SPECC1: variants seen among roughly 807,000 people sequenced by gnomAD.
SPECC1 encodes sperm antigen with calponin homology and coiled-coil domains 1.
Under a neutral mutation model 104.1 loss-of-function variants are expected in SPECC1, and 62 were observed. That is an observed-to-expected ratio of 0.60 (90% CI 0.49 to 0.74). The LOEUF (loss-of-function observed/expected upper bound fraction) is 0.74, where lower values mean the gene tolerates loss of function less well. Among genes scored for constraint, SPECC1 ranks in the 30% least tolerant of loss-of-function variants. The pLI, the probability that SPECC1 is intolerant of heterozygous loss-of-function variation, is 0.00. For synonymous variants in SPECC1, 513 were observed against 501.6 expected, an observed-to-expected ratio of 1.02 and a Z score of -0.30; for missense variants, 1,306 against 1,310.5, an observed-to-expected ratio of 1.00 and a Z score of 0.05.
At chr17:20,153,199 T>G (rs780883329) in intron 3 of SPECC1, among the ~76,000 whole-genome samples, 1 of 152,148 alleles carries the variant, frequency 6.6e-6, no homozygotes, top group African/African-American at 2.4e-5. Flanking sequence ...ATAGCAGATA[T>G]GAAAGCATAG....
intron 1 of SPECC1, among the ~76,000 whole-genome samples, chr17:20,041,378 G>A (rs1451415395): frequency 6.6e-6 from 1 of 151,842 alleles, no homozygotes; most frequent in African/African-American, 2.4e-5. Context: ...GAGTAGCTAG[G>A]ATTACAGGCA....
chr17:20,268,442 CT>C (rs2040288308), intron 12 of SPECC1, among the ~76,000 whole-genome samples: 1 of 152,234 alleles, frequency 6.6e-6, no homozygotes. Context: ...AGCAAGCAGC[CT>C]CTAAAATATC....
At chr17:20,040,328 A>G (rs1398928653) in intron 1 of SPECC1, among the ~76,000 whole-genome samples, 2 of 152,190 alleles carry the variant, frequency 1.3e-5, no homozygotes, top group Admixed American at 6.5e-5. Context: ...AGACAGGGTT[A>G]TAATTTTTGC....
At chr17:20,288,268 CTT>C (rs1323022071) in intron 12 of SPECC1, among the ~76,000 whole-genome samples, 1 of 152,008 alleles carries the variant, frequency 6.6e-6, no homozygotes, top group African/African-American at 2.4e-5. Flanking sequence ...GTGCATGTAT[CTT>C]TATAATAGAA....
chr17:20,244,780 A>G (rs1174478531), intron 7 of SPECC1, among the ~76,000 whole-genome samples: 1 of 152,222 alleles, frequency 6.6e-6, no homozygotes, highest in African/African-American at 2.4e-5. Flanking sequence ...AACTATTATC[A>G]TAAATTAGTC....
At chr17:20,158,919 T>C (rs2032868441) in intron 3 of SPECC1, among the ~76,000 whole-genome samples, 1 of 151,754 alleles carries the variant, frequency 6.6e-6, no homozygotes, top group Admixed American at 6.6e-5. Context: ...TGTTTCGTTT[T>C]TGTTTTGTTT....
chr17:20,305,742 T>A (rs1393343888), intron 13 of SPECC1: 3 of 346,654 alleles, frequency 8.7e-6, no homozygotes, highest in Non-Finnish European at 1.6e-5. Flanking sequence ...ACAGAATGTT[T>A]ATGCCATAAA....
intron 1 of SPECC1, among the ~76,000 whole-genome samples, chr17:20,032,380 G>A (rs1228907704): frequency 3.3e-5 from 5 of 151,830 alleles, no homozygotes; most frequent in African/African-American, 9.7e-5. Flanking sequence ...ATCTGCTTCC[G>A]GTACTCTCAG....
chr17:20,009,602 G>T lies in SPECC1; in HGVS notation c.-22+178G>T, dbSNP rs1353504903. Among the ~76,000 whole-genome samples, 3 of 152,140 alleles carry T rather than the reference G, an allele frequency of 2.0e-5. No homozygotes were observed. The highest frequency in any genetic ancestry group is 7.2e-5 in the African/African-American group (3 of 41,458). On this transcript the variant is annotated intron_variant, in intron 1 of 14. Transcript: ENST00000395527. The surrounding 1 kb of genome is among the most constrained non-coding windows in gnomAD (Gnocchi z 5.2). ...CCGCGGGGGCCCCGGTCCCCTCGTC[G>T]CGTGTCCTGTCCCCAGCCCAGGAGG...
At chr17:20,141,310 C>G (rs968512070) in intron 3 of SPECC1, among the ~76,000 whole-genome samples, 3 of 152,198 alleles carry the variant, frequency 2.0e-5, no homozygotes, top group Non-Finnish European at 2.9e-5. Context: ...ACCCAGCTCA[C>G]TGGACCTGCT....
rs531101187 is a variant in SPECC1 at position 20,291,459 on chromosome 17, A to G, written c.2941-5502A>G. Among the ~76,000 whole-genome samples, 115 of 152,344 alleles carry G rather than the reference A, an allele frequency of 7.5e-4. 1 individual carries two copies. The South Asian group carries it at 0.021, about 28-fold the overall frequency. ...TTCTTATCTGTAAAATGGGTATAAC[A>G]CTAGTCACCGTGCATGGCTGTAAAT... On this transcript the variant is annotated intron_variant, in intron 12 of 14. Transcript: ENST00000395527.
chr17:20,190,843 G>C (rs1331375866), intron 3 of SPECC1, among the ~76,000 whole-genome samples: 1 of 152,074 alleles, frequency 6.6e-6, no homozygotes, highest in Non-Finnish European at 1.5e-5. Flanking sequence ...AGGCACAGTA[G>C]CTCACCTGTG....
intron 3 of SPECC1, among the ~76,000 whole-genome samples, chr17:20,184,660 T>C (rs2035138157): frequency 6.6e-6 from 1 of 152,246 alleles, no homozygotes; most frequent in Non-Finnish European, 1.5e-5. Context: ...CTACTGTATA[T>C]AGTTTCAAAC....
intron 1 of SPECC1, among the ~76,000 whole-genome samples, chr17:20,093,736 T>TG (rs2047513732): frequency 9.8e-6 from 1 of 102,302 alleles, no homozygotes; most frequent in Non-Finnish European, 2.2e-5. Context: ...GTTTTTTGTT[T>TG]TTTTTTTTTT....
chr17:20,035,150 C>T (rs1250598950), intron 1 of SPECC1, among the ~76,000 whole-genome samples: 2 of 152,186 alleles, frequency 1.3e-5, no homozygotes, highest in Non-Finnish European at 2.9e-5. Context: ...TGATCTATAG[C>T]TGTCCCTCTG....
Position 20,097,354 on chromosome 17 carries a change from G to A in SPECC1, c.147+556G>A, listed in dbSNP as rs148744961. 9.1e-3 allele frequency among the ~76,000 whole-genome samples: 1,384 copies of A among 152,324 alleles called. 10 individuals are homozygous for A. Among genetic ancestry groups the A allele is most frequent in the South Asian group, 0.017 (82 of 4,822 alleles). On this transcript the variant is annotated intron_variant, in intron 2 of 14. Coordinates refer to ENST00000395527, the MANE Select transcript of SPECC1 (RefSeq NM_001243439.2). ...AGGCTCTCACCGTGCAAAGCCTAGT[G>A]CCTCCTTAGCTGCCCTGAGATGAAT... is the stretch of plus-strand genomic sequence containing the variant.
intron 3 of SPECC1, among the ~76,000 whole-genome samples, chr17:20,118,114 A>G (rs1002251977): frequency 8.0e-6 from 1 of 125,162 alleles, no homozygotes; most frequent in East Asian, 2.1e-4. Flanking sequence ...CAATAAATAA[A>G]TAATAAATAA....
rs1021221718 is a variant in SPECC1 at position 20,132,310 on chromosome 17, T to G, written c.283+21748T>G. The stretch of plus-strand genomic sequence containing the variant: ...TATTTGCTAGTATTTTGTTAAGAAT[T>G]TAAAAATCTGTATTCATGAGGGTCT... On this transcript the variant is annotated intron_variant, in intron 3 of 14. Transcript: ENST00000395527. Among the ~76,000 whole-genome samples the G allele has an allele frequency of 5.3e-5, 8 of 152,176 alleles. 1 individual carries two copies. The highest frequency in any genetic ancestry group is 1.5e-5 in the Non-Finnish European group (1 of 68,036).
At position 20,272,870 on chromosome 17, in the gene SPECC1, G is replaced by A. The variant is rs1470682957; in HGVS notation, c.2940+12576G>A. ...CATATGAATTTCACTGAGGATTGTA[G>A]GTTGATTTTATCACCAAATCTCTCT... On this transcript the variant is annotated intron_variant, in intron 12 of 14. Transcript: ENST00000395527. 2.0e-5 allele frequency among the ~76,000 whole-genome samples: 3 copies of A among 152,164 alleles called. No homozygotes were observed. In the East Asian group the frequency reaches 5.8e-4, roughly 29 times the overall value.
Sources: allele counts gnomAD v4.1 joint callset (sites outside exome capture counted in the v4.1 genomes callset), GRCh38; gene constraint gnomAD v4.1.1; non-coding constraint Gnocchi (gnomAD v3.1); transcripts MANE v1.5; gene names NCBI Gene and HGNC (gene_info 2026-07-23, HGNC 2026-07-21).